PARP14: variants seen among roughly 807,000 people sequenced by gnomAD.
PARP14 encodes the protein protein mono-ADP-ribosyltransferase PARP14.
PARP14 carries 59 observed loss-of-function variants against 154.2 expected under a neutral mutation model. That is an observed-to-expected ratio of 0.38 (90% CI 0.31 to 0.48). PARP14 has a LOEUF of 0.48. Ranked by LOEUF, PARP14 falls within the 20% of genes least tolerant of loss-of-function variation. The pLI, the probability that PARP14 is intolerant of heterozygous loss-of-function variation, is 0.98. For synonymous variants in PARP14, 720 were observed against 780.5 expected, an observed-to-expected ratio of 0.92 and a Z score of 1.29; for missense variants, 1,734 against 2,131.6, an observed-to-expected ratio of 0.81 and a Z score of 3.67.
chr3:122,708,242 A>G lies in PARP14; in HGVS notation c.3593A>G (p.Lys1198Arg), dbSNP rs776290818. 4.5e-6 allele frequency: 7 copies of G among 1,572,726 alleles called. No homozygotes were observed. The Admixed American group carries it at 1.3e-4, about 29-fold the overall frequency. Residue 1198 changes from lysine to arginine, a missense_variant, in exon 9 of 17, where the codon AAA becomes AGA. By Grantham distance (26) the Lys-to-Arg change is conservative. This residue lies in a region of PARP14 where 1,646 missense variants were observed against 1,976.0 expected (regional missense o/e 0.83). Transcript: ENST00000474629. ...GCTAATGGAAATCTCGTCAGTGACA[A>G]AATTCCGAAGGCTAAAGATACACAA... Reference protein sequence around the residue: ...RRANGNLVSDKIPKAKDTQGF... With the variant: ...RRANGNLVSDRIPKAKDTQGF...
At chr3:122,692,653 T>G in intron 4 of PARP14, 110 bp downstream of exon 4, 13 of 816,816 alleles carry the variant, frequency 1.6e-5, no homozygotes, top group Non-Finnish European at 2.2e-5. Context: ...TAGTAGCTAC[T>G]AAGAGAGGTT....
chr3:122,693,850 A>AC (rs1313135129), intron 4 of PARP14, among the ~76,000 whole-genome samples: 1 of 148,086 alleles, frequency 6.8e-6, no homozygotes, highest in Non-Finnish European at 1.5e-5. Flanking sequence ...CTGAAAAAAA[A>AC]AAAAAGAAAA....
At chr3:122,703,017 A>AC (rs1939033237) in intron 6 of PARP14, among the ~76,000 whole-genome samples, 1 of 99,498 alleles carries the variant, frequency 1.0e-5, no homozygotes, top group Non-Finnish European at 2.4e-5. Context: ...AAAACAAAAA[A>AC]AAAAAACAAA....
At chr3:122,714,125 A>G (rs1411482704) in intron 11 of PARP14, 137 bp from the exon 12 acceptor site, 2 of 789,000 alleles carry the variant, frequency 2.5e-6, no homozygotes, top group African/African-American at 1.8e-5. Context: ...AAGTCATAGC[A>G]TTCCATCAAA....
At chr3:122,720,641 C>T in intron 15 of PARP14, 1 of 516,532 alleles carries the variant, frequency 1.9e-6, no homozygotes, top group Non-Finnish European at 3.5e-6. Flanking sequence ...CTTTGTGAAG[C>T]AAGCTAATAC....
intron 15 of PARP14, among the ~76,000 whole-genome samples, chr3:122,726,089 T>C (rs1385243377): frequency 6.6e-6 from 1 of 152,244 alleles, no homozygotes; most frequent in East Asian, 1.9e-4. Context: ...GTGTTGCTTT[T>C]AACACACATT....
At chr3:122,696,095 G>A (rs1288423946) in intron 5 of PARP14, among the ~76,000 whole-genome samples, 2 of 152,174 alleles carry the variant, frequency 1.3e-5, no homozygotes, top group Admixed American at 1.3e-4. Flanking sequence ...ATTCAAAAAT[G>A]GACAGGAGTG....
intron 1 of PARP14, among the ~76,000 whole-genome samples, chr3:122,684,958 T>C (rs539659479): frequency 6.6e-6 from 1 of 152,324 alleles, no homozygotes; most frequent in Non-Finnish European, 1.5e-5. Flanking sequence ...GCCTTATAAG[T>C]ATGGCTTATT....
At chr3:122,709,166 T>C (rs13095945) in intron 9 of PARP14, among the ~76,000 whole-genome samples, 26,917 of 152,040 alleles carry the variant, frequency 0.18, 3,407 homozygotes, top group East Asian at 0.53. Context: ...GAGCAGCATA[T>C]ACTGTACCCG....
Position 122,701,292 on chromosome 3 carries a change from A to G in PARP14, c.2738A>G (p.Tyr913Cys), listed in dbSNP as rs777233025. 51 of 1,613,788 alleles carry G rather than the reference A, an allele frequency of 3.2e-5. No individual in the cohort carries two copies. The highest frequency in any genetic ancestry group is 4.2e-5 in the Non-Finnish European group (50 of 1,179,862). Residue 913 changes from tyrosine to cysteine, a missense_variant, in exon 6 of 17, where the codon TAC becomes TGC. By Grantham distance (194) the Tyr-to-Cys change is radical (BLOSUM62 -2). Coordinates refer to ENST00000474629, the MANE Select transcript of PARP14 (RefSeq NM_017554.3). The surrounding 1 kb of genome is among the most constrained non-coding windows in gnomAD (Gnocchi z 4.0). ...LSLCLAEKYK[Y>C]RSIAIPAISS... ...CTCTGTCTAGCCGAAAAATACAAGT[A>G]CCGATCCATAGCCATCCCAGCTATT... is the stretch of plus-strand genomic sequence containing the variant.
rs1938206968 is a variant in PARP14 at position 122,681,589 on chromosome 3, A to G, written c.187+519A>G. Among the ~76,000 whole-genome samples, 1 of 152,076 alleles carries G rather than the reference A, an allele frequency of 6.6e-6. No homozygotes were observed. The highest frequency in any genetic ancestry group is 2.4e-5 in the African/African-American group (1 of 41,402). On this transcript the variant is annotated intron_variant, in intron 1 of 16. Coordinates refer to ENST00000474629, the MANE Select transcript of PARP14 (RefSeq NM_017554.3). The surrounding 1 kb of genome is among the most constrained non-coding windows in gnomAD (Gnocchi z 5.5). The stretch of plus-strand genomic sequence containing the variant: ...CTAAAATCACACTGCCTGAATGTCA[A>G]CGTAGAGCCGTCACAGCGGCCACAT...
intron 11 of PARP14, 131 bp downstream of exon 11, chr3:122,714,065 A>G (rs1482403473): frequency 2.5e-6 from 2 of 800,916 alleles, no homozygotes; most frequent in East Asian, 2.5e-5. Flanking sequence ...AAGAATTCCA[A>G]TCACAGACAC....
intron 2 of PARP14, chr3:122,686,731 T>A: frequency 5.1e-6 from 1 of 196,020 alleles, no homozygotes; most frequent in Non-Finnish European, 1.0e-5. Flanking sequence ...CCTCCCAAAA[T>A]GCTGAAATTA....
At position 122,700,237 on chromosome 3, in the gene PARP14, A is replaced by C. The variant is rs749721885; in HGVS notation, c.1683A>C (p.Ala561=). ...AATTCTCTAAGTGTCTTTTCATAGC[A>C]CAGAAGATTCTTGCACTTTATGAGC... ...WKEFSKCLFI[A]QKILALYELE... Residue 561 remains alanine (A), a synonymous_variant, in exon 6 of 17, where the codon GCA becomes GCC. Transcript: ENST00000474629. 6.2e-7 allele frequency: 1 copy of C among 1,612,236 alleles called. No individual in the cohort carries two copies. The highest frequency in any genetic ancestry group is 1.1e-5 in the South Asian group (1 of 90,804).
chr3:122,708,851 C>G (rs1576594185), intron 9 of PARP14, among the ~76,000 whole-genome samples: 1 of 152,070 alleles, frequency 6.6e-6, no homozygotes, highest in East Asian at 1.9e-4. Context: ...TCTTTTTTCT[C>G]TCTTGTTCTT....
intron 5 of PARP14, among the ~76,000 whole-genome samples, chr3:122,698,340 T>C (rs1417818803): frequency 6.6e-6 from 1 of 152,268 alleles, no homozygotes; most frequent in Non-Finnish European, 1.5e-5. Flanking sequence ...TTTCTGCAGA[T>C]GCTCTGCTTA....
chr3:122,696,192 T>C (rs1197650946), intron 5 of PARP14, among the ~76,000 whole-genome samples: 5 of 152,184 alleles, frequency 3.3e-5, no homozygotes, highest in African/African-American at 1.2e-4. Context: ...AGAGAAACAC[T>C]TCTGAGTGTT....
At chr3:122,720,143 G>C (rs891385468) in intron 14 of PARP14, 112 bp from the exon 15 acceptor site, 5 of 1,048,234 alleles carry the variant, frequency 4.8e-6, no homozygotes, top group Non-Finnish European at 7.0e-6. Context: ...AGAAAGATAA[G>C]GAACTCTTTG....
rs187843582 is a variant in PARP14 at position 122,711,723 on chromosome 3, T to G, written c.3620-1701T>G. ...TCCACCTGGTCTGGGACTTTTTTGTTGTTGGCAATTTTTTTTAATTACTAG... is the reference window on the plus strand; with the variant it reads ...TCCACCTGGTCTGGGACTTTTTTGTGGTTGGCAATTTTTTTTAATTACTAG... On this transcript the variant is annotated intron_variant, in intron 9 of 16. Coordinates refer to ENST00000474629, the MANE Select transcript of PARP14 (RefSeq NM_017554.3). 4.8e-3 allele frequency among the ~76,000 whole-genome samples: 731 copies of G among 152,268 alleles called. 5 individuals carry two copies. Among genetic ancestry groups the G allele is most frequent in the Non-Finnish European group, 6.6e-3 (446 of 68,014 alleles).
Sources: allele counts gnomAD v4.1 joint callset (sites outside exome capture counted in the v4.1 genomes callset), GRCh38; gene constraint gnomAD v4.1.1; regional missense constraint gnomAD v4.1.1; non-coding constraint Gnocchi (gnomAD v3.1); transcripts MANE v1.5; gene names NCBI Gene and HGNC (gene_info 2026-07-23, HGNC 2026-07-21).